PLCB1: variants seen among roughly 807,000 people sequenced by gnomAD.
PLCB1 encodes phospholipase C beta 1.
PLCB1 carries 46 observed loss-of-function variants against 161.8 expected under a neutral mutation model. The observed-to-expected ratio is 0.28, with a 90% CI of 0.22 to 0.36. PLCB1 has a LOEUF of 0.36. PLCB1 is among the 10% of genes least tolerant of loss of function. PLCB1 has a pLI of 1.00. For synonymous variants in PLCB1, 517 were observed against 503.7 expected (o/e 1.03, Z -0.35); for missense variants, 1,016 against 1,472.5 (o/e 0.69, Z 5.07).
intron 3 of PLCB1, among the ~76,000 whole-genome samples, chr20:8,463,460 G>T (rs1981681384): frequency 6.6e-6 from 1 of 151,354 alleles, no homozygotes; most frequent in African/African-American, 2.4e-5. Context: ...TACATGTTTT[G>T]GACTTCTTTA....
intron 31 of PLCB1, among the ~76,000 whole-genome samples, chr20:8,874,600 C>G (rs3912022): frequency 0.2 from 29,668 of 151,866 alleles, 3,728 homozygotes; most frequent in Middle Eastern, 0.31. Context: ...ATGCTTCAGT[C>G]TTTATGGGTG....
chr20:8,232,125 T>C (rs1209444443), intron 2 of PLCB1, among the ~76,000 whole-genome samples: 3 of 151,956 alleles, frequency 2.0e-5, no homozygotes, highest in Non-Finnish European at 2.9e-5. Context: ...GAAAATTGCT[T>C]GAGCCCAGGA....
intron 25 of PLCB1, among the ~76,000 whole-genome samples, 185 bp from the exon 26 acceptor site, chr20:8,764,954 A>G (rs1982237530): frequency 6.6e-6 from 1 of 152,218 alleles, no homozygotes; most frequent in African/African-American, 2.4e-5. Flanking sequence ...AAGTTTAGTA[A>G]CATAGTCTCA....
At chr20:8,880,208 T>G (rs1987924169) in intron 31 of PLCB1, among the ~76,000 whole-genome samples, 1 of 152,180 alleles carries the variant, frequency 6.6e-6, no homozygotes, top group Non-Finnish European at 1.5e-5. Flanking sequence ...AGGATTATTC[T>G]CCCTGCTCAC....
At chr20:8,154,697 T>C (rs1335238168) in intron 2 of PLCB1, among the ~76,000 whole-genome samples, 1 of 152,204 alleles carries the variant, frequency 6.6e-6, no homozygotes, top group Non-Finnish European at 1.5e-5. Flanking sequence ...GTAAACTGTG[T>C]ATATTATCAT....
chr20:8,176,746 G>T (rs1376865888), intron 2 of PLCB1, among the ~76,000 whole-genome samples: 2 of 151,958 alleles, frequency 1.3e-5, no homozygotes, highest in African/African-American at 4.8e-5. Flanking sequence ...TTACCATTAG[G>T]GAAAATTGGG....
intron 3 of PLCB1, among the ~76,000 whole-genome samples, chr20:8,444,243 A>G (rs569501955): frequency 2.0e-5 from 3 of 151,626 alleles, no homozygotes; most frequent in South Asian, 4.2e-4. Context: ...CCTGTCTCCA[A>G]GTTTTCTCAT....
chr20:8,314,049 G>C (rs965362205), intron 2 of PLCB1, among the ~76,000 whole-genome samples: 7 of 152,134 alleles, frequency 4.6e-5, no homozygotes, highest in African/African-American at 1.7e-4. Flanking sequence ...TGATTGACAG[G>C]TAGTTCCATT....
intron 2 of PLCB1, among the ~76,000 whole-genome samples, chr20:8,365,225 T>C (rs1986312833): frequency 6.6e-6 from 1 of 152,246 alleles, no homozygotes; most frequent in South Asian, 2.1e-4. Context: ...GCAACTTGTT[T>C]AATGCTACAT....
chr20:8,876,867 A>G (rs981451346), intron 31 of PLCB1, among the ~76,000 whole-genome samples: 8 of 152,186 alleles, frequency 5.3e-5, no homozygotes, highest in Admixed American at 5.2e-4. Context: ...GTGAGAGCAG[A>G]AGCACACAAG....
At chr20:8,594,963 C>T (rs1987281529) in intron 3 of PLCB1, among the ~76,000 whole-genome samples, 1 of 152,168 alleles carries the variant, frequency 6.6e-6, no homozygotes, top group African/African-American at 2.4e-5. Flanking sequence ...CATATTCTAA[C>T]ACCGAGGTGC....
chr20:8,720,669 A>C (rs533913924), intron 14 of PLCB1, among the ~76,000 whole-genome samples: 1 of 152,248 alleles, frequency 6.6e-6, no homozygotes, highest in Admixed American at 6.5e-5. Context: ...CAGGAGAAAA[A>C]TCAGGTTTCT....
chr20:8,670,530 G>A (rs530371893), intron 9 of PLCB1, among the ~76,000 whole-genome samples: 1 of 152,296 alleles, frequency 6.6e-6, no homozygotes, highest in Admixed American at 6.5e-5. Flanking sequence ...AGCTGTATTT[G>A]CACATAGTTA....
chr20:8,223,137 T>G (rs1326296881), intron 2 of PLCB1, among the ~76,000 whole-genome samples: 1 of 152,196 alleles, frequency 6.6e-6, no homozygotes, highest in East Asian at 1.9e-4. Context: ...CTTTCCTGTG[T>G]ATGTCCCATA....
intron 2 of PLCB1, among the ~76,000 whole-genome samples, chr20:8,233,641 C>A (rs1980180654): frequency 6.6e-6 from 1 of 152,090 alleles, no homozygotes; most frequent in Non-Finnish European, 1.5e-5. Context: ...CTGTAACCAG[C>A]AGTCTGATAA....
intron 3 of PLCB1, among the ~76,000 whole-genome samples, chr20:8,568,738 C>T (rs926732715): frequency 2.0e-5 from 3 of 151,920 alleles, no homozygotes; most frequent in African/African-American, 7.3e-5. Context: ...AGTCATTGCA[C>T]TAAAGTAAAT....
intron 3 of PLCB1, among the ~76,000 whole-genome samples, chr20:8,374,229 T>C (rs1986998484): frequency 6.6e-6 from 1 of 152,154 alleles, no homozygotes. Flanking sequence ...TCTCACGAGA[T>C]CTGATGGTTT....
intron 3 of PLCB1, among the ~76,000 whole-genome samples, chr20:8,470,584 G>T (rs933284883): frequency 6.6e-6 from 1 of 152,022 alleles, no homozygotes; most frequent in African/African-American, 2.4e-5. Context: ...CTCACTCTTA[G>T]TCCAGGCTGG....
intron 3 of PLCB1, among the ~76,000 whole-genome samples, chr20:8,521,070 A>G (rs765557547): frequency 6.6e-6 from 1 of 152,190 alleles, no homozygotes; most frequent in Non-Finnish European, 1.5e-5. Flanking sequence ...GCTCATCCCA[A>G]GTACTCTTGA....
Sources: gnomAD v4.1 joint callset for allele counts (sites outside exome capture counted in the v4.1 genomes callset) on GRCh38, gnomAD v4.1.1 for gene constraint, MANE v1.5 for transcripts, NCBI Gene and HGNC (gene_info 2026-07-23, HGNC 2026-07-21) for gene names.